LOXHD1: variants seen among roughly 807,000 people sequenced by gnomAD.
LOXHD1 encodes the protein lipoxygenase homology domain-containing protein 1.
In LOXHD1, 205 loss-of-function variants were observed where a neutral mutation model predicts 248.2. The observed-to-expected ratio is 0.83, with a 90% confidence interval of 0.74 to 0.93. LOXHD1 has a LOEUF of 0.93. Ranked by LOEUF, LOXHD1 falls within the 40% of genes least tolerant of loss-of-function variation. LOXHD1 has a pLI of 0.00. For synonymous variants in LOXHD1, 1,113 were observed against 1,162.8 expected (o/e 0.96, Z 0.87); for missense variants, 2,930 against 2,971.6 (o/e 0.99, Z 0.33).
chr18:46,506,365 G>T (rs1258909272), intron 36 of LOXHD1, among the ~76,000 whole-genome samples: 1 of 152,130 alleles, frequency 6.6e-6, no homozygotes, highest in African/African-American at 2.4e-5. Flanking sequence ...AGAAACATAG[G>T]CTACCTCCTG....
intron 16 of LOXHD1, among the ~76,000 whole-genome samples, 175 bp downstream of exon 16, chr18:46,569,267 C>CA (rs1364443130): frequency 5.9e-5 from 9 of 152,216 alleles, no homozygotes; most frequent in Admixed American, 2.0e-4. Flanking sequence ...TAAAAAACTA[C>CA]ACACCTCACT....
rs201232406 is a variant in LOXHD1 at position 46,604,236 on chromosome 18, A to G, written c.760-7T>C. ...CAATATCTTCAATGACTATCTGGGA[A>G]GGAGAAGAGGGGACAAGGATGTAGA... On this transcript the variant is annotated splice_region_variant and splice_polypyrimidine_tract_variant and intron_variant, in intron 6 of 40. Coordinates refer to ENST00000642948, the MANE Select transcript of LOXHD1 (RefSeq NM_001384474.1). 154 of 1,551,568 alleles carry G rather than the reference A, an allele frequency of 9.9e-5. No individual in the cohort carries two copies. The highest frequency in any genetic ancestry group is 1.2e-4 in the Non-Finnish European group (136 of 1,146,962).
rs186962272 is a variant in LOXHD1, at chr18:46,567,044, C to T, written c.2245-595G>A. 2.6e-5 allele frequency among the ~76,000 whole-genome samples: 4 copies of T among 152,358 alleles called. No homozygotes were observed. The East Asian group carries it at 7.7e-4, about 29-fold the overall frequency. On this transcript the variant is annotated intron_variant, in intron 16 of 40. Coordinates refer to ENST00000642948, the MANE Select transcript of LOXHD1 (RefSeq NM_001384474.1). ...TTTTTCCAATAACACTCTATAATTGCTTTGCGATTTTGCATTTTAACATCT... is the reference window on the plus strand; with the variant it reads ...TTTTTCCAATAACACTCTATAATTGTTTTGCGATTTTGCATTTTAACATCT...
intron 4 of LOXHD1, among the ~76,000 whole-genome samples, chr18:46,626,836 T>C (rs1228952714): frequency 1.3e-5 from 2 of 152,166 alleles, no homozygotes; most frequent in Non-Finnish European, 2.9e-5. Flanking sequence ...CCTTCATCTA[T>C]TAGATGGGGG....
At chr18:46,567,562 T>C (rs1032613321) in intron 16 of LOXHD1, among the ~76,000 whole-genome samples, 1 of 152,122 alleles carries the variant, frequency 6.6e-6, no homozygotes, top group Non-Finnish European at 1.5e-5. Context: ...GCTGAAAGGG[T>C]AAAGACAGAG....
chr18:46,548,568 T>A (rs2036949827), intron 21 of LOXHD1, among the ~76,000 whole-genome samples: 1 of 152,364 alleles, frequency 6.6e-6, no homozygotes, highest in South Asian at 2.1e-4. Flanking sequence ...GTTCTGCTTC[T>A]TAGCCTTTAA....
At chr18:46,530,295 CCACAGGGACCCCTCACCTGCA>C (rs916268529) in intron 28 of LOXHD1, among the ~76,000 whole-genome samples, 3 of 152,148 alleles carry the variant, frequency 2.0e-5, no homozygotes, top group African/African-American at 7.2e-5. Flanking sequence ...TATTCGTGGG[CCACAGGGACCCCTCACCTGCA>C]CACAGGGACC....
Position 46,522,214 on chromosome 18 carries a change from G to A in LOXHD1, c.4972C>T (p.Arg1658Cys), listed in dbSNP as rs377416999. ...FIFLIGEDDE[R>C]SKRIWLDYPR... ...TAGTCCAACCAGATGCGCTTACTAC[G>A]TTCATCATCCTCCCCGATGAGAAAG... is the stretch of plus-strand genomic sequence containing the variant. Residue 1658 changes from arginine (R) to cysteine (C), a missense_variant, in exon 32 of 41, where the codon CGT becomes TGT. Arg to Cys is a radical substitution (Grantham distance 180, BLOSUM62 -3). Transcript: ENST00000642948. The A allele has an allele frequency of 7.7e-6, 12 of 1,551,766 alleles. No homozygotes were observed. Among genetic ancestry groups the A allele is most frequent in the African/African-American group, 4.1e-5 (3 of 73,146 alleles).
chr18:46,599,025 A>G (rs1213116576), intron 8 of LOXHD1, among the ~76,000 whole-genome samples: 1 of 152,210 alleles, frequency 6.6e-6, no homozygotes, highest in Admixed American at 6.5e-5. Flanking sequence ...AAATTTCCCT[A>G]GCAGATACTA....
intron 14 of LOXHD1, among the ~76,000 whole-genome samples, chr18:46,574,691 C>T (rs1005988370): frequency 1.3e-5 from 2 of 152,152 alleles, no homozygotes; most frequent in South Asian, 2.1e-4. Flanking sequence ...TTGAGGCCTC[C>T]GCTTCTCTTC....
chr18:46,571,432 T>G (rs1489363651), intron 15 of LOXHD1, among the ~76,000 whole-genome samples: 1 of 152,210 alleles, frequency 6.6e-6, no homozygotes, highest in Admixed American at 6.5e-5. Context: ...ATCACACCAC[T>G]GCACTCCAGC....
chr18:46,656,958 A>G lies in LOXHD1; in HGVS notation c.76T>C (p.Tyr26His). The change falls in exon 1 of 41, where the codon TAC (tyrosine) becomes CAC (histidine). Residue 26 changes from tyrosine to histidine, a missense_variant. Physicochemically the swap from Tyr to His is moderately conservative, Grantham distance 83 (BLOSUM62 2). Transcript: ENST00000642948. ...TCCCCCTCGTCGTCCTCCGAGGCGTAGTTCAGCAGCTCCGCTTCGTACAGG... is the reference window on the plus strand; with the variant it reads ...TCCCCCTCGTCGTCCTCCGAGGCGTGGTTCAGCAGCTCCGCTTCGTACAGG... ...LALYEAELLN[Y>H]ASEDDEGELE... The G allele has an allele frequency of 6.4e-7, 1 of 1,551,560 alleles. No homozygotes were observed. Among genetic ancestry groups the G allele is most frequent in the South Asian group, 1.2e-5 (1 of 84,062 alleles).
chr18:46,632,633 G>A (rs1365171590), intron 4 of LOXHD1, among the ~76,000 whole-genome samples: 1 of 152,092 alleles, frequency 6.6e-6, no homozygotes, highest in Non-Finnish European at 1.5e-5. Context: ...GACAACAGAA[G>A]GGATGCCAAC....
chr18:46,566,776 C>T (rs993801975), intron 16 of LOXHD1, among the ~76,000 whole-genome samples: 4 of 152,178 alleles, frequency 2.6e-5, no homozygotes, highest in Non-Finnish European at 5.9e-5. Flanking sequence ...TAGGTCATGG[C>T]CATGTGAGAA....
intron 10 of LOXHD1, 137 bp downstream of exon 10, chr18:46,593,463 G>A: frequency 1.1e-6 from 1 of 892,704 alleles, no homozygotes; most frequent in Non-Finnish European, 1.7e-6. Flanking sequence ...TCCCTTTGCA[G>A]GGACCTAAAA....
intron 26 of LOXHD1, among the ~76,000 whole-genome samples, chr18:46,536,705 C>T (rs114908072): frequency 6.6e-6 from 1 of 152,254 alleles, no homozygotes; most frequent in African/African-American, 2.4e-5. Context: ...ATGAATCACC[C>T]TTAAATTTTC....
rs190166544 is a variant in LOXHD1, at chr18:46,501,421, A to G, written c.5878+4417T>C. Among the ~76,000 whole-genome samples the G allele has an allele frequency of 3.3e-5, 5 of 152,262 alleles. No individual in the cohort carries two copies. The East Asian group carries it at 9.6e-4, about 29-fold the overall frequency. On this transcript the variant is annotated intron_variant, in intron 37 of 40. Coordinates refer to ENST00000642948, the MANE Select transcript of LOXHD1 (RefSeq NM_001384474.1). ...CATTGTTTTAAAATGGCCCCCAAAC[A>G]TAGTGGTTGGTCCTCAAGCTGAAGT... is the stretch of plus-strand genomic sequence containing the variant.
intron 37 of LOXHD1, 80 bp downstream of exon 37, chr18:46,505,758 T>C (rs1397191150): frequency 1.4e-6 from 2 of 1,452,820 alleles, no homozygotes; most frequent in African/African-American, 2.8e-5. Flanking sequence ...AGAGTCAATG[T>C]GCTGCCAGGG....
intron 37 of LOXHD1, among the ~76,000 whole-genome samples, chr18:46,494,982 T>G (rs1338740407): frequency 6.6e-6 from 1 of 151,154 alleles, no homozygotes; most frequent in Non-Finnish European, 1.5e-5. Context: ...GACTCCCGAG[T>G]AGCTGGGACT....
Sources: allele counts gnomAD v4.1 joint callset (sites outside exome capture counted in the v4.1 genomes callset), GRCh38; gene constraint gnomAD v4.1.1; transcripts MANE v1.5; gene names NCBI Gene and HGNC (gene_info 2026-07-23, HGNC 2026-07-21).